Variants in STK32A observed in about 807,000 individuals in gnomAD.
STK32A encodes serine/threonine-protein kinase 32A.
In STK32A, 41 loss-of-function variants were observed where a neutral mutation model predicts 53.2. The ratio of observed to expected loss-of-function variants is 0.77; its 90% CI spans 0.60 to 1.00. The LOEUF is 1.00. STK32A is among the 50% of genes least tolerant of loss of function. The probability of loss-of-function intolerance (pLI) is 0.00; values close to 1 mark genes in which losing one functional copy is unlikely to be tolerated. For synonymous variants in STK32A, 166 were observed against 162.8 expected (o/e 1.02, Z -0.15); for missense variants, 458 against 485.8 (o/e 0.94, Z 0.54).
chr5:147,269,827 GGA>G (rs1488842832), intron 2 of STK32A, among the ~76,000 whole-genome samples: 1 of 152,124 alleles, frequency 6.6e-6, no homozygotes, highest in Non-Finnish European at 1.5e-5. Flanking sequence ...TACTTTAAGA[GGA>G]GATTCTTGCA....
intron 7 of STK32A, among the ~76,000 whole-genome samples, chr5:147,354,039 C>G (rs1345201159): frequency 6.6e-6 from 1 of 151,140 alleles, no homozygotes; most frequent in Non-Finnish European, 1.5e-5. Flanking sequence ...AGAGAACCCC[C>G]TACATGCAGA....
chr5:147,244,002 G>A (rs1163301564), intron 2 of STK32A, among the ~76,000 whole-genome samples: 5 of 151,914 alleles, frequency 3.3e-5, no homozygotes, highest in South Asian at 4.2e-4. Flanking sequence ...TTCTCTTCTC[G>A]AATTGAAACT....
chr5:147,392,894 T>C, the STK32A span: 4 of 152,232 alleles, frequency 2.6e-5, no homozygotes, highest in African/African-American at 9.6e-5. Context: ...AGTTCCCCAC[T>C]TGACTTTCAT....
downstream of STK32A, among the ~76,000 whole-genome samples, chr5:147,389,025 T>A (rs996435733): frequency 1.3e-5 from 2 of 152,336 alleles, no homozygotes; most frequent in African/African-American, 4.8e-5. Context: ...GAACTTCAAC[T>A]GTAAAATAAT....
At chr5:147,355,790 G>GTATATATATATATATATATA (rs1276723577) in intron 7 of STK32A, among the ~76,000 whole-genome samples, 2 of 137,790 alleles carry the variant, frequency 1.5e-5, no homozygotes, top group African/African-American at 5.3e-5. Context: ...GAGTGTGTGT[G>GTATATATATATATATATATA]TGTATATATA....
At chr5:147,279,512 C>T (rs55936730) in intron 4 of STK32A, 114 bp downstream of exon 4, 44,693 of 884,076 alleles carry the variant, frequency 0.051, 1,363 homozygotes, top group Middle Eastern at 0.089. Flanking sequence ...GCTCTTGACA[C>T]AATTGCAAGA....
intron 4 of STK32A, among the ~76,000 whole-genome samples, chr5:147,313,786 C>G (rs1182489520): frequency 6.6e-6 from 1 of 152,156 alleles, no homozygotes; most frequent in Non-Finnish European, 1.5e-5. Context: ...AGTCAATTGA[C>G]TTTTAACCAG....
At chr5:147,363,460 T>C (rs1448317256) in intron 8 of STK32A, among the ~76,000 whole-genome samples, 1 of 152,182 alleles carries the variant, frequency 6.6e-6, no homozygotes, top group Non-Finnish European at 1.5e-5. Context: ...GTGGTGGTCC[T>C]GCCCTTCGAA....
chr5:147,278,273 C>G, intron 3 of STK32A, 94 bp downstream of exon 3: 1 of 1,023,600 alleles, frequency 9.8e-7, no homozygotes, highest in South Asian at 1.6e-5. Context: ...GTTGCTGGGA[C>G]CGCAAGGAAA....
chr5:147,266,635 A>G (rs71580435), intron 2 of STK32A, among the ~76,000 whole-genome samples: 2,851 of 152,276 alleles, frequency 0.019, 39 homozygotes, highest in Middle Eastern at 0.058. Context: ...GCGAAGAACA[A>G]GACACACCCA....
At chr5:147,370,599 T>G in intron 8 of STK32A, 55 bp from the exon 9 acceptor site, 1 of 1,150,838 alleles carries the variant, frequency 8.7e-7, no homozygotes, top group East Asian at 2.4e-5. Context: ...TTTGGAAATT[T>G]TTTTTTTCTT....
intron 2 of STK32A, among the ~76,000 whole-genome samples, chr5:147,247,048 A>G (rs1308924746): frequency 6.6e-6 from 1 of 152,262 alleles, no homozygotes; most frequent in African/African-American, 2.4e-5. Flanking sequence ...CCAAAGCTAT[A>G]GACATTTTTA....
chr5:147,383,526 C>G lies in STK32A; in HGVS notation c.1097+21C>G, dbSNP rs17106606. ...GAAAAGTAAGTAATTCCTGGGAGAA[C>G]AACAGCCCCAGAAATGGTGGCATGT... On this transcript the variant is annotated intron_variant, in intron 12 of 12. Coordinates refer to ENST00000397936, the MANE Select transcript of STK32A (RefSeq NM_001112724.2). The G allele has an allele frequency of 8.6e-3, 13,422 of 1,554,512 alleles. 979 individuals carry two copies. In the East Asian group the frequency reaches 0.19, roughly 22 times the overall value.
rs189407569 is a variant in STK32A at position 147,358,317 on chromosome 5, C to A, written c.563-3200C>A. Among the ~76,000 whole-genome samples, 6 of 152,104 alleles carry A rather than the reference C, an allele frequency of 3.9e-5. No individual in the cohort carries two copies. The East Asian group carries it at 1.2e-3, about 29-fold the overall frequency. ...GGTAAGGATGTTCAACAAAAGGAAC[C>A]CTGATCTAATACTGGTCATAGTGTG... On this transcript the variant is annotated intron_variant, in intron 7 of 12. Transcript: ENST00000397936.
intron 9 of STK32A, 102 bp downstream of exon 9, chr5:147,370,872 G>GTATACATT: frequency 1.4e-6 from 1 of 712,160 alleles, no homozygotes; most frequent in Non-Finnish European, 2.5e-6. Flanking sequence ...AGTCATGATA[G>GTATACATT]TATACATTTG....
At chr5:147,363,345 C>G (rs1756599026) in intron 8 of STK32A, among the ~76,000 whole-genome samples, 1 of 151,260 alleles carries the variant, frequency 6.6e-6, no homozygotes, top group Non-Finnish European at 1.5e-5. Context: ...GGAGCAATCA[C>G]TCTCATGGCT....
chr5:147,361,205 T>C (rs1756488133), intron 7 of STK32A, among the ~76,000 whole-genome samples: 1 of 152,192 alleles, frequency 6.6e-6, no homozygotes. Context: ...CCTTCTTGAT[T>C]TCAGGGTGAG....
intron 2 of STK32A, among the ~76,000 whole-genome samples, chr5:147,259,301 A>G (rs1189295989): frequency 6.6e-6 from 1 of 152,184 alleles, no homozygotes; most frequent in Non-Finnish European, 1.5e-5. Flanking sequence ...GGTTTCCTCT[A>G]AAAGTTACTT....
At chr5:147,364,144 G>A (rs559552331) in intron 8 of STK32A, among the ~76,000 whole-genome samples, 2 of 151,006 alleles carry the variant, frequency 1.3e-5, no homozygotes, top group Non-Finnish European at 2.9e-5. Context: ...GAACCTGGGA[G>A]GTAGATGTTG....
Sources: allele counts gnomAD v4.1 joint callset (sites outside exome capture counted in the v4.1 genomes callset), GRCh38; gene constraint gnomAD v4.1.1; transcripts MANE v1.5; gene names NCBI Gene and HGNC (gene_info 2026-07-23, HGNC 2026-07-21).